The following SFTPD variants were observed in gnomAD, a reference collection of about 807,000 sequenced individuals.
SFTPD encodes pulmonary surfactant-associated protein D.
In SFTPD, 18 loss-of-function variants were observed where a neutral mutation model predicts 34.6. The ratio of observed to expected loss-of-function variants is 0.52; its 90% CI spans 0.36 to 0.77. The LOEUF (loss-of-function observed/expected upper bound fraction) is 0.77. Among genes scored for constraint, SFTPD ranks in the 30% least tolerant of loss-of-function variants. The pLI is 0.00. For synonymous variants in SFTPD, 155 were observed against 180.9 expected (o/e 0.86, Z 1.15); for missense variants, 433 against 468.9 (o/e 0.92, Z 0.71).
intron 1 of SFTPD, chr10:79,970,030 CTCATTT>C (rs1842826866): frequency 1.3e-5 from 2 of 152,132 alleles, no homozygotes; most frequent in Non-Finnish European, 2.9e-5. Context: ...TACTCTTTAA[CTCATTT>C]TCAGTTGATT....
intron 2 of SFTPD, among the ~76,000 whole-genome samples, chr10:79,944,921 G>T (rs530464712): frequency 6.6e-6 from 1 of 152,186 alleles, no homozygotes; most frequent in South Asian, 2.1e-4. Context: ...CTGCAGGGGT[G>T]GTTGTCACAA....
chr10:79,964,705 T>TA (rs934704557), intron 1 of SFTPD, among the ~76,000 whole-genome samples: 41 of 152,176 alleles, frequency 2.7e-4, no homozygotes, highest in Admixed American at 2.5e-3. Context: ...TCTGCTATTC[T>TA]ACTACTCCTC....
intron 1 of SFTPD, among the ~76,000 whole-genome samples, chr10:79,979,560 A>G (rs748785673): frequency 3.9e-5 from 6 of 152,248 alleles, no homozygotes; most frequent in Non-Finnish European, 7.3e-5. Context: ...GCAGAAAGCA[A>G]CACAGGACAC....
chr10:79,981,977 G>T, intron 1 of SFTPD: 1 of 307,166 alleles, frequency 3.3e-6, no homozygotes, highest in Non-Finnish European at 6.0e-6. Context: ...CCGTGCCCGC[G>T]TCAGGCCGCC....
At chr10:79,960,832 T>C (rs1393287729) in intron 1 of SFTPD, among the ~76,000 whole-genome samples, 11 of 152,246 alleles carry the variant, frequency 7.2e-5, no homozygotes, top group Admixed American at 1.3e-4. Context: ...GAGGCTGCAT[T>C]GCCAAGTCAA....
intron 1 of SFTPD, among the ~76,000 whole-genome samples, chr10:79,960,786 A>G (rs1185466853): frequency 6.6e-6 from 1 of 151,968 alleles, no homozygotes; most frequent in East Asian, 1.9e-4. Flanking sequence ...ACAGAATTGG[A>G]AAAAACTACT....
At position 79,946,596 on chromosome 10, in the gene SFTPD, C is replaced by T. The variant is rs1382692951; in HGVS notation, c.64G>A (p.Glu22Lys). ...LTQPLGYLEAEMKTYSHRTMP... is the reference protein window; with the variant it reads ...LTQPLGYLEAKMKTYSHRTMP... ...GTTCTGTGGGAGTAGGTCTTCATTT[C>T]TGCTTCCAGGTAGCCCAGGGGCTGT... Residue 22 changes from glutamate (E) to lysine (K), a missense_variant, in exon 2 of 8, where the codon GAA (glutamate) becomes AAA (lysine). By Grantham distance (56) the Glu-to-Lys change is moderately conservative (BLOSUM62 1). Coordinates refer to ENST00000372292, the MANE Select transcript of SFTPD (RefSeq NM_003019.5). 5.0e-6 allele frequency: 8 copies of T among 1,614,090 alleles called. No individual in the cohort carries two copies. The African/African-American group carries it at 1.1e-4, about 22-fold the overall frequency.
intron 2 of SFTPD, among the ~76,000 whole-genome samples, chr10:79,945,440 C>G (rs1208145526): frequency 1.3e-5 from 2 of 152,166 alleles, no homozygotes; most frequent in Non-Finnish European, 2.9e-5. Context: ...CTTCGTCTTT[C>G]CAGAAAGTTA....
At chr10:79,965,056 A>G (rs1049321253) in intron 1 of SFTPD, among the ~76,000 whole-genome samples, 6 of 152,122 alleles carry the variant, frequency 3.9e-5, no homozygotes, top group South Asian at 4.1e-4. Flanking sequence ...TACTGTCCTC[A>G]ATCTTCAGGA....
At chr10:79,943,683 C>T (rs936968011) in intron 2 of SFTPD, among the ~76,000 whole-genome samples, 6 of 152,144 alleles carry the variant, frequency 3.9e-5, no homozygotes, top group African/African-American at 9.7e-5. Context: ...TGGCGTATCC[C>T]AGCAGCACCA....
intron 1 of SFTPD, among the ~76,000 whole-genome samples, chr10:79,956,751 C>A (rs1188591752): frequency 3.3e-5 from 5 of 152,208 alleles, no homozygotes; most frequent in Admixed American, 3.3e-4. Context: ...AAAAAGATAG[C>A]AGTAACCTCT....
chr10:79,969,305 C>T (rs889506758), intron 1 of SFTPD: 2 of 152,190 alleles, frequency 1.3e-5, no homozygotes, highest in Non-Finnish European at 2.9e-5. Context: ...GAAACCCTGT[C>T]TCTACTAAAT....
In SFTPD at chr10:79,938,483, C is replaced by T. The variant is rs537669510; in HGVS notation, c.752-255G>A. On this transcript the variant is annotated intron_variant, in intron 7 of 7. Coordinates refer to ENST00000372292, the MANE Select transcript of SFTPD (RefSeq NM_003019.5). ...AGAGAAGCTAAGAGGCTCAAAGTCA[C>T]ACAAGCAGCAAACGTGCAGTTAGGA... is the stretch of plus-strand genomic sequence containing the variant. Among the ~76,000 whole-genome samples, 16 of 152,264 alleles carry T rather than the reference C, an allele frequency of 1.1e-4. No individual in the cohort carries two copies. The East Asian group carries it at 3.1e-3, about 29-fold the overall frequency.
At chr10:79,946,695 C>T in intron 1 of SFTPD, 33 bp from the exon 2 acceptor site, 2 of 1,587,090 alleles carry the variant, frequency 1.3e-6, no homozygotes, top group South Asian at 1.1e-5. Context: ...AAAAGACATG[C>T]TTATGCTTCA....
intron 1 of SFTPD, among the ~76,000 whole-genome samples, chr10:79,956,138 T>C (rs1223681153): frequency 2.0e-5 from 3 of 152,206 alleles, no homozygotes; most frequent in Admixed American, 6.5e-5. Context: ...GTTAACATTG[T>C]GAGAAAAAAG....
chr10:79,965,237 A>C (rs938827401), intron 1 of SFTPD, among the ~76,000 whole-genome samples: 5 of 152,118 alleles, frequency 3.3e-5, no homozygotes, highest in African/African-American at 9.7e-5. Flanking sequence ...TTAGTCCTTT[A>C]ATACCTGTTT....
upstream of SFTPD, among the ~76,000 whole-genome samples, chr10:79,951,362 C>T (rs571867764): frequency 6.6e-6 from 1 of 152,184 alleles, no homozygotes; most frequent in Non-Finnish European, 1.5e-5. Flanking sequence ...GATTTTTTCC[C>T]CCTTTGAAGG....
At chr10:79,946,368 G>T in intron 2 of SFTPD, 93 bp downstream of exon 2, 1 of 956,092 alleles carries the variant, frequency 1.0e-6, no homozygotes, top group Non-Finnish European at 1.6e-6. Flanking sequence ...CACGTCTCCA[G>T]ACTTCCATAA....
At chr10:79,973,898 C>T (rs1199064006) in intron 1 of SFTPD, among the ~76,000 whole-genome samples, 1 of 152,124 alleles carries the variant, frequency 6.6e-6, no homozygotes, top group East Asian at 1.9e-4. Context: ...TTTGTGTATG[C>T]AGAGCACAAG....
Sources: allele counts gnomAD v4.1 joint callset (sites outside exome capture counted in the v4.1 genomes callset), GRCh38; gene constraint gnomAD v4.1.1; transcripts MANE v1.5; gene names NCBI Gene and HGNC (gene_info 2026-07-23, HGNC 2026-07-21).